The following GDAP2 variants were observed in gnomAD, a reference collection of about 807,000 sequenced individuals.
GDAP2 encodes ganglioside-induced differentiation-associated protein 2.
Under a neutral mutation model 67.0 loss-of-function variants are expected in GDAP2, and 51 were observed. The observed-to-expected ratio is 0.76, with a 90% CI of 0.61 to 0.96. The LOEUF (loss-of-function observed/expected upper bound fraction) is 0.96. GDAP2 is among the 40% of genes least tolerant of loss of function. The pLI, the probability that GDAP2 is intolerant of heterozygous loss-of-function variation, is 0.00. For missense variants in GDAP2, 547 were observed against 588.3 expected (o/e 0.93, Z 0.73); for synonymous variants, 203 against 207.3 (o/e 0.98, Z 0.18).
At chr1:117,882,596 A>G (rs1244753447) in intron 11 of GDAP2, among the ~76,000 whole-genome samples, 1 of 152,192 alleles carries the variant, frequency 6.6e-6, no homozygotes, top group Non-Finnish European at 1.5e-5. Flanking sequence ...TCAGAGAAAT[A>G]GTACAAACTA....
chr1:117,914,047 C>T (rs544165108), intron 3 of GDAP2, among the ~76,000 whole-genome samples: 1 of 152,272 alleles, frequency 6.6e-6, no homozygotes, highest in South Asian at 2.1e-4. Flanking sequence ...TCTGTTCTTC[C>T]TAAGCCATTC....
At position 117,877,868 on chromosome 1, in the gene GDAP2, T is replaced by C. The variant is rs376567212; in HGVS notation, c.1446+141A>G. ...TAAAGTTATCATAGGGAAAGTATGTTAAATGATATTACCAAGTTTATTAAG... is the reference window on the plus strand; with the variant it reads ...TAAAGTTATCATAGGGAAAGTATGTCAAATGATATTACCAAGTTTATTAAG... On this transcript the variant is annotated intron_variant, in intron 13 of 13. Coordinates refer to ENST00000369443, the MANE Select transcript of GDAP2 (RefSeq NM_017686.4). 24 of 1,291,620 alleles carry C rather than the reference T, an allele frequency of 1.9e-5. No homozygotes were observed. The African/African-American group carries it at 2.9e-4, about 16-fold the overall frequency. 80.0% of individuals were successfully genotyped at this position (1,291,620 alleles called of 1,614,324 possible).
At chr1:117,881,778 A>C in intron 12 of GDAP2, 45 bp downstream of exon 12, 10 of 910,856 alleles carry the variant, frequency 1.1e-5, no homozygotes, top group Non-Finnish European at 1.9e-5. Flanking sequence ...CTGGGCATGC[A>C]GTGCACATAA....
At chr1:117,874,463 G>A (rs527399823) in intron 13 of GDAP2, among the ~76,000 whole-genome samples, 5 of 152,326 alleles carry the variant, frequency 3.3e-5, no homozygotes, top group African/African-American at 1.2e-4. Flanking sequence ...AGATGCTGGT[G>A]TGATGCTTCT....
intron 3 of GDAP2, among the ~76,000 whole-genome samples, chr1:117,916,350 A>G (rs1223051778): frequency 6.6e-6 from 1 of 152,226 alleles, no homozygotes; most frequent in Non-Finnish European, 1.5e-5. Context: ...TGGCTCAAGC[A>G]TGGTAAGGAA....
In GDAP2 at chr1:117,897,706, C is replaced by T. The variant is rs139237244; in HGVS notation, c.797-717G>A. The stretch of plus-strand genomic sequence containing the variant: ...GTAGATCTGTTAAGCAAAAACAAAA[C>T]AAAACAAACGTCGTACCATGGGGAA... On this transcript the variant is annotated intron_variant, in intron 7 of 13. Coordinates refer to ENST00000369443, the MANE Select transcript of GDAP2 (RefSeq NM_017686.4). Among the ~76,000 whole-genome samples, 172 of 152,216 alleles carry T rather than the reference C, an allele frequency of 1.1e-3. 1 individual carries two copies. In the East Asian group the frequency reaches 0.026, roughly 23 times the overall value.
intron 1 of GDAP2, among the ~76,000 whole-genome samples, chr1:117,923,981 T>C (rs1236956857): frequency 1.3e-5 from 2 of 152,260 alleles, no homozygotes; most frequent in African/African-American, 4.8e-5. Flanking sequence ...CTGGATATTG[T>C]TGCTTGCATA....
chr1:117,904,908 T>G (rs1649606971), intron 6 of GDAP2, among the ~76,000 whole-genome samples: 1 of 152,206 alleles, frequency 6.6e-6, no homozygotes, highest in Non-Finnish European at 1.5e-5. Context: ...GAAAATAATT[T>G]GTCTTCATCC....
intron 10 of GDAP2, among the ~76,000 whole-genome samples, chr1:117,885,640 GT>G (rs976609836): frequency 3.3e-5 from 5 of 152,016 alleles, no homozygotes; most frequent in Non-Finnish European, 5.9e-5. Context: ...TGCTTTCACA[GT>G]TTTTTTTACC....
chr1:117,913,475 C>T lies in GDAP2; in HGVS notation c.317-792G>A, dbSNP rs1428640969. ...CTGGAGATGCTCAACTAGAGAGTTTCTGGATTCCAGAACCCCAGGCACAGC... is the reference window on the plus strand; with the variant it reads ...CTGGAGATGCTCAACTAGAGAGTTTTTGGATTCCAGAACCCCAGGCACAGC... On this transcript the variant is annotated intron_variant, in intron 3 of 13. Coordinates refer to ENST00000369443, the MANE Select transcript of GDAP2 (RefSeq NM_017686.4). 2.0e-5 allele frequency: 3 copies of T among 151,478 alleles called. No individual in the cohort carries two copies. In the East Asian group the frequency reaches 5.8e-4, roughly 29 times the overall value. The allele number at this position is 151,478 out of a possible 1,614,324, so 9.4% of individuals were successfully genotyped here. A position where few individuals can be genotyped will look rare whatever the true frequency, so the allele number is the denominator to read the frequency against.
chr1:117,887,856 C>T (rs1439210946), intron 8 of GDAP2, 82 bp from the exon 9 acceptor site: 9 of 780,536 alleles, frequency 1.2e-5, no homozygotes, highest in Non-Finnish European at 1.8e-5. Context: ...AATACCCTTC[C>T]CTGACCCTAA....
intron 8 of GDAP2, among the ~76,000 whole-genome samples, chr1:117,893,830 C>T (rs981830718): frequency 5.3e-5 from 8 of 152,010 alleles, no homozygotes; most frequent in Non-Finnish European, 8.8e-5. Flanking sequence ...TATTGAGGAC[C>T]TTAAACATCT....
chr1:117,886,617 A>G lies in GDAP2; in HGVS notation c.1067T>C (p.Val356Ala). Residue 356 changes from valine (V) to alanine (A), a missense_variant, in exon 10 of 14, where the codon GTT becomes GCT. Physicochemically the swap from Val to Ala is moderately conservative, Grantham distance 64. Transcript: ENST00000369443. ...TAATGTTACAGGAATGTTTCTTCCA[A>G]CTACCACCATCACTGTTCGACCACA... Reference protein sequence around the residue: ...DNCGRTVMVVVGRNIPVTLID... With the variant: ...DNCGRTVMVVAGRNIPVTLID... The G allele has an allele frequency of 6.3e-7, 1 of 1,593,408 alleles. No homozygotes were observed.
chr1:117,908,440 C>G (rs1649733885), intron 5 of GDAP2, among the ~76,000 whole-genome samples: 1 of 152,128 alleles, frequency 6.6e-6, no homozygotes, highest in African/African-American at 2.4e-5. Flanking sequence ...TAAACAAACA[C>G]TCATAACTCT....
intron 11 of GDAP2, chr1:117,882,962 T>C (rs1466448759): frequency 6.6e-6 from 1 of 152,288 alleles, no homozygotes; most frequent in African/African-American, 2.4e-5. Context: ...TAGTGGGGTA[T>C]CATGTATTTT....
chr1:117,889,405 T>C (rs1008744627), intron 8 of GDAP2, among the ~76,000 whole-genome samples: 2 of 152,076 alleles, frequency 1.3e-5, no homozygotes, highest in African/African-American at 2.4e-5. Context: ...CCGTATTATA[T>C]AATAAATCTC....
chr1:117,912,179 T>A, intron 4 of GDAP2, 97 bp from the exon 5 acceptor site: 1 of 747,544 alleles, frequency 1.3e-6, no homozygotes, highest in South Asian at 1.5e-5. Flanking sequence ...CAACTTCTCC[T>A]TTCCTCCCTC....
At chr1:117,889,967 T>C (rs959732826) in intron 8 of GDAP2, among the ~76,000 whole-genome samples, 1 of 152,122 alleles carries the variant, frequency 6.6e-6, no homozygotes, top group Non-Finnish European at 1.5e-5. Context: ...AGGTACTAAA[T>C]TCTTTGCTAA....
At chr1:117,907,760 G>A (rs1464371048) in intron 5 of GDAP2, among the ~76,000 whole-genome samples, 4 of 152,048 alleles carry the variant, frequency 2.6e-5, no homozygotes, top group East Asian at 1.9e-4. Context: ...CTCTCCTTGC[G>A]TCTTTTTTCC....
Sources: gnomAD v4.1 joint callset for allele counts (sites outside exome capture counted in the v4.1 genomes callset) on GRCh38, gnomAD v4.1.1 for gene constraint, MANE v1.5 for transcripts, NCBI Gene and HGNC (gene_info 2026-07-23, HGNC 2026-07-21) for gene names.